SLC19A1: variants seen among roughly 807,000 people sequenced by gnomAD.
SLC19A1 encodes the protein reduced folate transporter.
In SLC19A1, 37 loss-of-function variants were observed where a neutral mutation model predicts 35.3. The observed-to-expected ratio is 1.05, with a 90% CI of 0.81 to 1.38. The LOEUF (loss-of-function observed/expected upper bound fraction) is 1.38, where lower values mean the gene tolerates loss of function less well. SLC19A1 is among the 40% of genes most tolerant of loss of function. SLC19A1 has a pLI of 0.00. For synonymous variants in SLC19A1, 460 were observed against 398.5 expected (o/e 1.15, Z -1.84); for missense variants, 831 against 826.9 (o/e 1.00, Z -0.06).
chr21:45,538,171 G>T (rs2078194035), intron 1 of SLC19A1, among the ~76,000 whole-genome samples, 163 bp from the exon 2 acceptor site: 1 of 152,146 alleles, frequency 6.6e-6, no homozygotes, highest in Admixed American at 6.5e-5. Flanking sequence ...GCACCAAACT[G>T]GGAGCCACCC....
At chr21:45,538,068 G>A (rs13052294) in intron 1 of SLC19A1, 60 bp from the exon 2 acceptor site, 546,640 of 997,666 alleles carry the variant, frequency 0.55, 151,136 homozygotes, top group South Asian at 0.58. Context: ...TCCCTACCCC[G>A]CAAAACGAGG....
rs865965958 is a variant in SLC19A1, at chr21:45,540,538, G to T, written c.-50+1830C>A. 2.9e-4 allele frequency among the ~76,000 whole-genome samples: 44 copies of T among 152,234 alleles called. No homozygotes were observed. The highest frequency in any genetic ancestry group is 1.0e-3 in the African/African-American group (42 of 41,462). ...GGGCTGCTGCTGGTCTTAACAGTCA[G>T]CCTCTGCTGCCAGCATACTCAACTT... On this transcript the variant is annotated intron_variant, in intron 1 of 5. Transcript: ENST00000311124. This position sits in a 1 kb window ranked among gnomAD's most constrained non-coding sequence, Gnocchi z 5.5.
chr21:45,537,794 C>T lies in SLC19A1; in HGVS notation c.166G>A (p.Asp56Asn), dbSNP rs146321452. The T allele has an allele frequency of 1.4e-4, 195 of 1,425,656 alleles. No individual in the cohort carries two copies. In the East Asian group the frequency reaches 4.4e-3, roughly 32 times the overall value. The allele number at this position is 1,425,656 out of a possible 1,614,324, so 88.3% of individuals were successfully genotyped here. A position where few individuals can be genotyped will look rare whatever the true frequency, so the allele number is the denominator to read the frequency against. Residue 56 changes from aspartate (D) to asparagine (N), a missense_variant, in exon 2 of 6, where the codon GAC (aspartate) becomes AAC (asparagine). Physicochemically the swap from Asp to Asn is conservative, Grantham distance 23. Transcript: ENST00000311124. The part of the protein sequence containing the change: ...SFITPYLLGP[D>N]KNFTREQVTN... ...GCCTGCTCCCGCGTGAAGTTCTTGTCGGGCCCCAGGAGGTAGGGGGTGATG... is the reference window on the plus strand; with the variant it reads ...GCCTGCTCCCGCGTGAAGTTCTTGTTGGGCCCCAGGAGGTAGGGGGTGATG...
In SLC19A1 at chr21:45,540,780, G is replaced by A. The variant is rs765947357; in HGVS notation, c.-50+1588C>T. Among the ~76,000 whole-genome samples the A allele has an allele frequency of 4.5e-4, 69 of 152,124 alleles. No homozygotes were observed. The highest frequency in any genetic ancestry group is 1.5e-3 in the African/African-American group (61 of 41,406). ...GTCCCCGACCAGACAGGAGGGCCAC[G>A]GGGAAGCAGAGAGAATCCCTGCCTT... On this transcript the variant is annotated intron_variant, in intron 1 of 5. Coordinates refer to ENST00000311124, the MANE Select transcript of SLC19A1 (RefSeq NM_194255.4). This position sits in a 1 kb window ranked among gnomAD's most constrained non-coding sequence, Gnocchi z 5.5.
At chr21:45,556,296 G>A (rs1332310270) in intron 1 of SLC19A1, among the ~76,000 whole-genome samples, 1 of 152,174 alleles carries the variant, frequency 6.6e-6, no homozygotes, top group South Asian at 2.1e-4. Flanking sequence ...AAGACCGGGC[G>A]GACCCAAGAC....
At chr21:45,506,206 C>T in intron 3 of SLC19A1, 2 of 554,220 alleles carry the variant, frequency 3.6e-6, no homozygotes, top group Non-Finnish European at 6.5e-6. Flanking sequence ...GTGAGGGGCT[C>T]CTGGTGGGTC....
rs181351900 is a variant in SLC19A1, at chr21:45,516,497, G to T, written c.1294-357C>A. ...GAGACAGCGGAAGGGTGCCCATGAG[G>T]GCCAGAACGTCCCGCCTGGCAGAGC... On this transcript the variant is annotated intron_variant, in intron 5 of 5. Coordinates refer to ENST00000311124, the MANE Select transcript of SLC19A1 (RefSeq NM_194255.4). Among the ~76,000 whole-genome samples, 128 of 152,334 alleles carry T rather than the reference G, an allele frequency of 8.4e-4. 1 individual carries two copies. Among genetic ancestry groups the T allele is most frequent in the African/African-American group, 2.9e-3 (122 of 41,582 alleles).
At chr21:45,557,387 G>A (rs1428446200) in intron 1 of SLC19A1, among the ~76,000 whole-genome samples, 2 of 152,192 alleles carry the variant, frequency 1.3e-5, no homozygotes, top group Non-Finnish European at 2.9e-5. Context: ...TGCTCTGGGT[G>A]AACCAGGTGC....
chr21:45,528,263 G>A (rs1486071461), intron 4 of SLC19A1, among the ~76,000 whole-genome samples: 3 of 152,100 alleles, frequency 2.0e-5, no homozygotes, highest in Non-Finnish European at 4.4e-5. Context: ...CAGCCCCCAG[G>A]GTGCTTCCAA....
chr21:45,511,061 C>T (rs1164895396), downstream of SLC19A1: 8 of 740,162 alleles, frequency 1.1e-5, no homozygotes, highest in East Asian at 2.1e-4. Flanking sequence ...CACCCACACC[C>T]ATCCACACCC....
chr21:45,529,672 T>A (rs953805570), intron 4 of SLC19A1, among the ~76,000 whole-genome samples: 1 of 151,712 alleles, frequency 6.6e-6, no homozygotes, highest in Admixed American at 6.6e-5. Flanking sequence ...GTGGTGTGTG[T>A]CCATGTGTGA....
intron 1 of SLC19A1, among the ~76,000 whole-genome samples, chr21:45,552,981 C>T (rs1473910279): frequency 1.3e-5 from 2 of 152,112 alleles, no homozygotes; most frequent in East Asian, 3.9e-4. Flanking sequence ...CATGTGCTCA[C>T]TTTTACACAA....
intron 2 of SLC19A1, among the ~76,000 whole-genome samples, chr21:45,537,034 A>C (rs1041773637): frequency 6.6e-6 from 1 of 152,188 alleles, no homozygotes; most frequent in African/African-American, 2.4e-5. Context: ...CTTTGTCCTC[A>C]TGGCTGAGTA....
chr21:45,504,341 G>T, intron 3 of SLC19A1: 13 of 1,490,012 alleles, frequency 8.7e-6, no homozygotes, highest in Non-Finnish European at 1.2e-5. Context: ...CCCAGCCCTG[G>T]CTCGGGGGGA....
In SLC19A1 at chr21:45,512,907, G is replaced by A; in HGVS notation, c.*2751C>T. 1 of 197,160 alleles carries A rather than the reference G, an allele frequency of 5.1e-6. No homozygotes were observed. Among genetic ancestry groups the A allele is most frequent in the South Asian group, 8.4e-5 (1 of 11,908 alleles). The allele number at this position is 197,160 out of a possible 1,614,324, so 12.2% of individuals were successfully genotyped here. ...CAGGGTGTGTGCTCGCCCTGCGGTA[G>A]ATGGGAGGGAGGCTCAGGTCCCTGG... On this transcript the variant is annotated 3_prime_UTR_variant, in exon 6 of 6. Transcript: ENST00000311124.
At chr21:45,512,411 T>C (rs747722915), downstream of SLC19A1, 4 of 1,611,026 alleles carry the variant, frequency 2.5e-6, no homozygotes, top group Admixed American at 6.7e-5. Flanking sequence ...ACCGCCTGGA[T>C]GCGGATGGCC....
intron 1 of SLC19A1, among the ~76,000 whole-genome samples, chr21:45,561,643 C>T (rs1367652938): frequency 1.3e-5 from 2 of 151,936 alleles, no homozygotes; most frequent in Non-Finnish European, 2.9e-5. Flanking sequence ...CACCTGTAGT[C>T]CCAGCTATTT....
intron 2 of SLC19A1, among the ~76,000 whole-genome samples, chr21:45,535,229 C>CG (rs914944680): frequency 1.3e-4 from 20 of 152,196 alleles, no homozygotes; most frequent in Non-Finnish European, 2.1e-4. Context: ...ACAGTTCCAG[C>CG]GGGGGCCCAG....
downstream of SLC19A1, among the ~76,000 whole-genome samples, chr21:45,511,810 G>T (rs569176968): frequency 6.6e-6 from 1 of 152,322 alleles, no homozygotes; most frequent in South Asian, 2.1e-4. Context: ...GAGTGCTGTG[G>T]GCAGGGCTGG....
Sources: gnomAD v4.1 joint callset for allele counts (sites outside exome capture counted in the v4.1 genomes callset) on GRCh38, gnomAD v4.1.1 for gene constraint, Gnocchi (gnomAD v3.1) non-coding constraint, MANE v1.5 for transcripts, NCBI Gene and HGNC (gene_info 2026-07-23, HGNC 2026-07-21) for gene names.